The following POU2F1 variants were observed in gnomAD, a reference collection of about 807,000 sequenced individuals.
POU2F1 encodes the protein POU domain, class 2, transcription factor 1.
In POU2F1, 16 loss-of-function variants were observed where a neutral mutation model predicts 84.9. The observed-to-expected ratio is 0.19, with a 90% CI of 0.13 to 0.29. POU2F1 has a LOEUF of 0.29. POU2F1 is among the 10% of genes least tolerant of loss of function. POU2F1 has a pLI of 1.00. For synonymous variants in POU2F1, 368 were observed against 368.3 expected (o/e 1.00, Z 0.01); for missense variants, 738 against 942.6 (o/e 0.78, Z 2.84).
intron 2 of POU2F1, among the ~76,000 whole-genome samples, chr1:167,345,315 A>C (rs1658118187): frequency 6.6e-6 from 1 of 152,094 alleles, no homozygotes; most frequent in Admixed American, 6.5e-5. Context: ...GAAATGGGAG[A>C]GTAAAGGAGA....
chr1:167,242,359 T>C (rs958493152), intron 1 of POU2F1, among the ~76,000 whole-genome samples: 1 of 152,154 alleles, frequency 6.6e-6, no homozygotes, highest in African/African-American at 2.4e-5. Flanking sequence ...CTTTGGAAAA[T>C]GTGTTTCCTG....
intron 1 of POU2F1, among the ~76,000 whole-genome samples, chr1:167,324,427 G>A (rs2102644716): frequency 6.8e-6 from 1 of 147,196 alleles, no homozygotes; most frequent in South Asian, 2.1e-4. Flanking sequence ...AATCTTTTGA[G>A]TTTTTTATCC....
At chr1:167,273,722 C>A (rs1652532963) in intron 1 of POU2F1, among the ~76,000 whole-genome samples, 1 of 152,214 alleles carries the variant, frequency 6.6e-6, no homozygotes, top group Non-Finnish European at 1.5e-5. Context: ...TAACTGGGAG[C>A]TCTCATAGGC....
At chr1:167,331,270 C>T (rs1196112516) in intron 1 of POU2F1, among the ~76,000 whole-genome samples, 1 of 151,974 alleles carries the variant, frequency 6.6e-6, no homozygotes, top group Non-Finnish European at 1.5e-5. Flanking sequence ...GGAAATGAAA[C>T]TTATAAAAGA....
chr1:167,363,360 T>G (rs1473534636), intron 2 of POU2F1, among the ~76,000 whole-genome samples: 1 of 152,234 alleles, frequency 6.6e-6, no homozygotes, highest in African/African-American at 2.4e-5. Context: ...AGCATGTTTC[T>G]CTAATGGTGA....
intron 1 of POU2F1, among the ~76,000 whole-genome samples, chr1:167,244,380 C>T (rs373731409): frequency 1.5e-4 from 23 of 152,250 alleles, no homozygotes; most frequent in East Asian, 1.4e-3. Context: ...GTGGTCGAAC[C>T]GAGGACCCTG....
intron 1 of POU2F1, among the ~76,000 whole-genome samples, chr1:167,250,427 T>C (rs1034064060): frequency 2.0e-5 from 3 of 152,222 alleles, no homozygotes; most frequent in Non-Finnish European, 4.4e-5. Context: ...ATTTAAATTA[T>C]AGTGTTTAAA....
intron 2 of POU2F1, among the ~76,000 whole-genome samples, chr1:167,352,872 G>C (rs142447690): frequency 6.6e-6 from 1 of 152,296 alleles, no homozygotes; most frequent in African/African-American, 2.4e-5. Context: ...TGTTTTCGTA[G>C]TAAGAAGGTA....
intron 1 of POU2F1, among the ~76,000 whole-genome samples, chr1:167,291,250 T>A (rs183393101): frequency 1.3e-5 from 2 of 152,204 alleles, no homozygotes; most frequent in Non-Finnish European, 2.9e-5. Flanking sequence ...AAGCATTGGA[T>A]TGATCATTGC....
At chr1:167,228,010 A>G (rs1426685776) in intron 1 of POU2F1, among the ~76,000 whole-genome samples, 1 of 152,334 alleles carries the variant, frequency 6.6e-6, no homozygotes, top group South Asian at 2.1e-4. Flanking sequence ...AAGACTTCTA[A>G]CTTTCTCCCA....
At chr1:167,357,359 T>TCC (rs1557922148) in intron 2 of POU2F1, 2 of 21,870 alleles carry the variant, frequency 9.1e-5, no homozygotes, top group African/African-American at 1.9e-4. Context: ...CCCCCACGCC[T>TCC]CCCCCCCCAC....
chr1:167,359,530 G>C (rs1021435608), intron 2 of POU2F1, among the ~76,000 whole-genome samples: 1 of 152,136 alleles, frequency 6.6e-6, no homozygotes, highest in Non-Finnish European at 1.5e-5. Flanking sequence ...GTTTATGGCT[G>C]CATAGTATTC....
intron 3 of POU2F1, among the ~76,000 whole-genome samples, chr1:167,367,577 CTTT>C (rs1054879228): frequency 1.3e-5 from 2 of 152,014 alleles, no homozygotes; most frequent in African/African-American, 4.8e-5. Flanking sequence ...ATGCTCTCTT[CTTT>C]TTATTTTTAA....
Position 167,365,547 on chromosome 1 carries a change from T to C in POU2F1, c.208T>C (p.Phe70Leu). 6.3e-7 allele frequency: 1 copy of C among 1,598,706 alleles called. No homozygotes were observed. The highest frequency in any genetic ancestry group is 8.5e-7 in the Non-Finnish European group (1 of 1,173,252). Residue 70 changes from phenylalanine to leucine, a missense_variant, in exon 3 of 16, where the codon TTC becomes CTC. Physicochemically the swap from Phe to Leu is conservative, Grantham distance 22. Around this residue, in one of 4 missense-constraint regions of POU2F1, gnomAD observed 161 missense variants for 147.0 expected, o/e 1.10. Transcript: ENST00000367866. ...AATCTCAACAGCCCAGGCGCAGGCT[T>C]TCCTTGGACATCTCCATCAGGTAGG... ...GAISTAQAQA[F>L]LGHLHQVQLA...
chr1:167,306,016 T>C (rs1250570997), intron 1 of POU2F1, among the ~76,000 whole-genome samples: 1 of 152,242 alleles, frequency 6.6e-6, no homozygotes, highest in Non-Finnish European at 1.5e-5. Flanking sequence ...AAAAGCGTTG[T>C]GCATGGAATT....
chr1:167,232,172 A>G (rs937732747), intron 1 of POU2F1, among the ~76,000 whole-genome samples: 2 of 152,218 alleles, frequency 1.3e-5, no homozygotes, highest in South Asian at 2.1e-4. Flanking sequence ...ATGTGATTGA[A>G]AAAACCTGAT....
intron 1 of POU2F1, among the ~76,000 whole-genome samples, chr1:167,278,811 A>C (rs1307946915): frequency 4.2e-5 from 1 of 23,902 alleles, no homozygotes; most frequent in East Asian, 2.4e-3. Context: ...CTATTTTAAT[A>C]GAATTTAATA....
chr1:167,392,789 T>A (rs1465728916), intron 9 of POU2F1, among the ~76,000 whole-genome samples: 4 of 152,346 alleles, frequency 2.6e-5, no homozygotes, highest in Non-Finnish European at 5.9e-5. Context: ...TTAAAGTACA[T>A]ACTACTGCTG....
At chr1:167,413,970 C>T (rs1650139931) in intron 15 of POU2F1, among the ~76,000 whole-genome samples, 1 of 144,118 alleles carries the variant, frequency 6.9e-6, no homozygotes, top group African/African-American at 2.6e-5. Context: ...GTGGGTAACA[C>T]AGTAAGACCC....
Sources: gnomAD v4.1 joint callset for allele counts (sites outside exome capture counted in the v4.1 genomes callset) on GRCh38, gnomAD v4.1.1 for gene constraint, gnomAD v4.1.1 regional missense constraint, MANE v1.5 for transcripts, NCBI Gene and HGNC (gene_info 2026-07-23, HGNC 2026-07-21) for gene names.